CMIP: variants seen among roughly 807,000 people sequenced by gnomAD.
CMIP encodes c-Maf inducing protein, also known as C-Maf-inducing protein.
A neutral mutation model predicts 97.3 loss-of-function variants in CMIP; 13 were observed. The observed-to-expected ratio is 0.13, with a 90% CI of 0.09 to 0.21. CMIP has a LOEUF of 0.21. Among genes scored for constraint, CMIP ranks in the 10% least tolerant of loss-of-function variants. The pLI, the probability that CMIP is intolerant of heterozygous loss-of-function variation, is 1.00. For synonymous variants in CMIP, 538 were observed against 436.3 expected, an observed-to-expected ratio of 1.23 and a Z score of -2.91; for missense variants, 847 against 1,024.9, an observed-to-expected ratio of 0.83 and a Z score of 2.37.
chr16:81,518,901 A>T (rs2089968140), intron 1 of CMIP: 1 of 144,020 alleles, frequency 6.9e-6, no homozygotes, highest in Non-Finnish European at 1.5e-5. Flanking sequence ...CAGTGGTGCG[A>T]TCTCAACTGA....
chr16:81,511,370 T>G (rs62046588), intron 1 of CMIP, among the ~76,000 whole-genome samples: 26,313 of 152,224 alleles, frequency 0.17, 2,919 homozygotes, highest in Non-Finnish European at 0.24. Context: ...TACTATTGGT[T>G]TGCTCATTTA....
At chr16:81,484,620 T>A (rs1314287134) in intron 1 of CMIP, among the ~76,000 whole-genome samples, 3 of 152,056 alleles carry the variant, frequency 2.0e-5, no homozygotes, top group Non-Finnish European at 4.4e-5. Flanking sequence ...CATCTCCGGC[T>A]CTCTGCTGCA....
At chr16:81,488,135 C>G (rs974630635) in intron 1 of CMIP, among the ~76,000 whole-genome samples, 5 of 140,858 alleles carry the variant, frequency 3.5e-5, no homozygotes, top group Non-Finnish European at 4.7e-5. Context: ...GCTGCATGAC[C>G]TTAGCATACT....
At chr16:81,587,390 G>C (rs1279958876) in intron 1 of CMIP, among the ~76,000 whole-genome samples, 1 of 152,198 alleles carries the variant, frequency 6.6e-6, no homozygotes, top group African/African-American at 2.4e-5. Flanking sequence ...CGATGAGGCG[G>C]TCAGTCTGTG....
chr16:81,681,025 C>T (rs1363889230), intron 10 of CMIP, among the ~76,000 whole-genome samples: 1 of 152,246 alleles, frequency 6.6e-6, no homozygotes, highest in Non-Finnish European at 1.5e-5. Flanking sequence ...TGCCTGCCCG[C>T]ATCACCCAGC....
chr16:81,610,612 C>A, intron 2 of CMIP: 1 of 862,296 alleles, frequency 1.2e-6, no homozygotes, highest in Non-Finnish European at 1.4e-6. Context: ...GGAGGTAGAC[C>A]TGGATCGGCT....
intron 7 of CMIP, chr16:81,666,809 T>C (rs2092608362): frequency 6.6e-6 from 1 of 152,242 alleles, no homozygotes; most frequent in African/African-American, 2.4e-5. Context: ...ACAGTGATTA[T>C]GGCCATGCCA....
At chr16:81,583,571 C>T (rs976710059) in intron 1 of CMIP, among the ~76,000 whole-genome samples, 5 of 152,176 alleles carry the variant, frequency 3.3e-5, no homozygotes, top group African/African-American at 2.4e-5. Context: ...GGGTCACAGA[C>T]GTGGAGGGAG....
chr16:81,668,235 C>G (rs1276413955), intron 7 of CMIP, among the ~76,000 whole-genome samples: 1 of 152,136 alleles, frequency 6.6e-6, no homozygotes, highest in African/African-American at 2.4e-5. Flanking sequence ...AGCCACATCA[C>G]GTTTATGGAG....
intron 1 of CMIP, among the ~76,000 whole-genome samples, chr16:81,542,614 C>T (rs1249767301): frequency 6.6e-6 from 1 of 152,182 alleles, no homozygotes; most frequent in African/African-American, 2.4e-5. Flanking sequence ...TTTATTGTTT[C>T]AGAGTTCCAG....
intron 1 of CMIP, among the ~76,000 whole-genome samples, chr16:81,481,289 G>T (rs1908246302): frequency 6.6e-6 from 1 of 152,154 alleles, no homozygotes. Context: ...TGGGTGTGCC[G>T]GGCCCTGTCT....
intron 1 of CMIP, among the ~76,000 whole-genome samples, chr16:81,543,286 C>T (rs2090482138): frequency 1.3e-5 from 2 of 152,328 alleles, no homozygotes; most frequent in South Asian, 4.1e-4. Context: ...ACACCCTCTC[C>T]TCCCTTCCCT....
At chr16:81,581,658 G>A (rs762261836) in intron 1 of CMIP, among the ~76,000 whole-genome samples, 3 of 152,254 alleles carry the variant, frequency 2.0e-5, no homozygotes, top group Non-Finnish European at 4.4e-5. Context: ...GGGAATAGCC[G>A]AGCTTGGCAT....
rs1245163981 is a variant in CMIP at position 81,701,685 on chromosome 16, A to G, written c.1781A>G (p.Asn594Ser). The change falls in exon 16 of 21, where the codon AAC (asparagine) becomes AGC (serine). Residue 594 changes from asparagine to serine, a missense_variant. Coordinates refer to ENST00000537098, the MANE Select transcript of CMIP (RefSeq NM_198390.3). Reference sequence around the variant, plus strand: ...ATCCTGTGCTTGATGCTGGAATACAACATCATCGACAACAACGACACCCAA... The same window carrying G: ...ATCCTGTGCTTGATGCTGGAATACAGCATCATCGACAACAACGACACCCAA... ...VEILCLMLEY[N>S]IIDNNDTQLQ... 2 of 1,613,778 alleles carry G rather than the reference A, an allele frequency of 1.2e-6. No individual in the cohort carries two copies. The highest frequency in any genetic ancestry group is 1.7e-6 in the Non-Finnish European group (2 of 1,179,894).
intron 2 of CMIP, among the ~76,000 whole-genome samples, chr16:81,609,000 T>C (rs1198139295): frequency 6.6e-6 from 1 of 152,230 alleles, no homozygotes; most frequent in Non-Finnish European, 1.5e-5. Context: ...CAAGGAATGC[T>C]GAGCTCAGTA....
intron 1 of CMIP, among the ~76,000 whole-genome samples, chr16:81,552,345 C>G (rs937444812): frequency 6.6e-6 from 1 of 152,194 alleles, no homozygotes; most frequent in Admixed American, 6.5e-5. Flanking sequence ...CATGTTCCTT[C>G]AAACCCAGTG....
chr16:81,500,891 A>T (rs899689793), intron 1 of CMIP, among the ~76,000 whole-genome samples: 2 of 151,294 alleles, frequency 1.3e-5, no homozygotes, highest in African/African-American at 4.9e-5. Flanking sequence ...AGCCTTGTGC[A>T]TCTGCGTCTT....
chr16:81,669,138 A>C (rs1597222892), intron 7 of CMIP, among the ~76,000 whole-genome samples: 2 of 53,894 alleles, frequency 3.7e-5, no homozygotes, highest in African/African-American at 1.5e-4. Context: ...TTCCACACCC[A>C]CTTCATACCT....
At chr16:81,680,767 G>A (rs1398748821) in intron 10 of CMIP, among the ~76,000 whole-genome samples, 2 of 152,210 alleles carry the variant, frequency 1.3e-5, no homozygotes, top group African/African-American at 4.8e-5. Context: ...GGGGCTCCCT[G>A]CTCTGATGGA....
Sources: allele counts gnomAD v4.1 joint callset (sites outside exome capture counted in the v4.1 genomes callset), GRCh38; gene constraint gnomAD v4.1.1; transcripts MANE v1.5; gene names NCBI Gene and HGNC (gene_info 2026-07-23, HGNC 2026-07-21).